Variants in ANKDD1A observed in about 807,000 individuals in gnomAD.
ANKDD1A encodes the protein ankyrin repeat and death domain containing 1A.
In ANKDD1A, 59 loss-of-function variants were observed where a neutral mutation model predicts 63.5. That is an observed-to-expected ratio of 0.93 (90% CI 0.75 to 1.15). The LOEUF (loss-of-function observed/expected upper bound fraction) is 1.15. ANKDD1A is among the 50% of genes most tolerant of loss of function. The pLI is 0.00. For synonymous variants in ANKDD1A, 266 were observed against 263.9 expected, an observed-to-expected ratio of 1.01 and a Z score of -0.08; for missense variants, 632 against 656.4, an observed-to-expected ratio of 0.96 and a Z score of 0.41.
At position 64,930,951 on chromosome 15, in the gene ANKDD1A, A is replaced by G. The variant is rs2085085808; in HGVS notation, c.669+31A>G. On this transcript the variant is annotated intron_variant, in intron 7 of 14. Coordinates refer to ENST00000319580, the MANE Select transcript of ANKDD1A (RefSeq NM_182703.6). ...TCACCGCCTGGGGATGGCGAGATGC[A>G]TGACCCTTGCTTGCTCTCTGCCTTC... 2.5e-6 allele frequency: 4 copies of G among 1,599,868 alleles called. No homozygotes were observed. In the South Asian group the frequency reaches 3.3e-5, roughly 13 times the overall value.
chr15:64,942,351 A>G lies in ANKDD1A; in HGVS notation c.868-116A>G. On this transcript the variant is annotated intron_variant, in intron 9 of 14. Coordinates refer to ENST00000319580, the MANE Select transcript of ANKDD1A (RefSeq NM_182703.6). ...GGCCACCCATGTCATCCAAGAAGCT[A>G]AAAGGGCCAAACCCAGAAGCACTAT... 7.2e-6 allele frequency: 5 copies of G among 693,292 alleles called. 1 individual carries two copies. The South Asian group carries it at 1.3e-4, about 17-fold the overall frequency. 42.9% of individuals were successfully genotyped at this position (693,292 alleles called of 1,614,324 possible). A position where few individuals can be genotyped will look rare whatever the true frequency, so the allele number is the denominator to read the frequency against.
chr15:64,923,890 C>T (rs910896751), intron 4 of ANKDD1A, among the ~76,000 whole-genome samples: 1 of 152,142 alleles, frequency 6.6e-6, no homozygotes, highest in Non-Finnish European at 1.5e-5. Flanking sequence ...ATGAGGGAGG[C>T]GGGGTCTTGG....
chr15:64,930,313 G>A (rs1238457432), intron 6 of ANKDD1A, among the ~76,000 whole-genome samples: 4 of 152,138 alleles, frequency 2.6e-5, no homozygotes, highest in Admixed American at 2.0e-4. Flanking sequence ...CAGTGACAGA[G>A]TGTGTTAGCA....
At chr15:64,927,168 T>C (rs1353363099) in intron 6 of ANKDD1A, among the ~76,000 whole-genome samples, 169 bp downstream of exon 6, 2 of 152,256 alleles carry the variant, frequency 1.3e-5, no homozygotes, top group East Asian at 1.9e-4. Context: ...TTCACCAGCG[T>C]GTGCTATGGG....
At chr15:64,914,915 G>A (rs541392823) in intron 1 of ANKDD1A, among the ~76,000 whole-genome samples, 2 of 152,292 alleles carry the variant, frequency 1.3e-5, no homozygotes, top group East Asian at 1.9e-4. Context: ...TGCAGCGATG[G>A]GGGTGAGAGG....
At chr15:64,952,787 CCTT>C (rs140081464) in intron 14 of ANKDD1A, among the ~76,000 whole-genome samples, 124,498 of 138,690 alleles carry the variant, frequency 0.9, 56,637 homozygotes, top group East Asian at 0.99. Context: ...TCTTCCTTCT[CCTT>C]CTTCTTTTCT....
At chr15:64,943,330 T>G in intron 10 of ANKDD1A, 154 bp from the exon 11 acceptor site, 3 of 674,482 alleles carry the variant, frequency 4.4e-6, no homozygotes, top group Non-Finnish European at 5.3e-6. Context: ...ACATATAAGA[T>G]GATCTCATGT....
intron 1 of ANKDD1A, among the ~76,000 whole-genome samples, chr15:64,914,572 G>A (rs1440240729): frequency 1.3e-5 from 2 of 152,248 alleles, no homozygotes; most frequent in South Asian, 2.1e-4. Flanking sequence ...GGGATTGCAC[G>A]CATGAGCCAC....
chr15:64,947,263 T>G, intron 12 of ANKDD1A, 141 bp from the exon 13 acceptor site: 2 of 762,844 alleles, frequency 2.6e-6, no homozygotes, highest in Non-Finnish European at 4.1e-6. Context: ...AGAGAGGACA[T>G]TAAGCCCCTG....
chr15:64,913,562 T>A (rs964391802), intron 1 of ANKDD1A, among the ~76,000 whole-genome samples: 3 of 152,116 alleles, frequency 2.0e-5, no homozygotes, highest in African/African-American at 7.2e-5. Context: ...TAGGAAGTGG[T>A]TAAGCCAGAG....
chr15:64,913,500 G>T (rs2084947465), intron 1 of ANKDD1A, among the ~76,000 whole-genome samples: 2 of 152,144 alleles, frequency 1.3e-5, no homozygotes, highest in Non-Finnish European at 2.9e-5. Context: ...TATTAACCTT[G>T]TAGGGAAGCT....
chr15:64,921,501 A>C (rs539832027), intron 3 of ANKDD1A, among the ~76,000 whole-genome samples: 1 of 152,166 alleles, frequency 6.6e-6, no homozygotes, highest in South Asian at 2.1e-4. Flanking sequence ...CAACCTCCCA[A>C]GTAGCTGGGA....
chr15:64,930,633 G>A (rs2085082091), intron 6 of ANKDD1A, among the ~76,000 whole-genome samples, 189 bp from the exon 7 acceptor site: 1 of 152,204 alleles, frequency 6.6e-6, no homozygotes, highest in Admixed American at 6.5e-5. Context: ...TAAGCAATGT[G>A]CCTGCCTTGA....
chr15:64,951,887 CTT>C (rs1318568378), intron 14 of ANKDD1A, among the ~76,000 whole-genome samples: 15 of 58,722 alleles, frequency 2.6e-4, no homozygotes, highest in African/African-American at 5.7e-4. Flanking sequence ...TTCTTTCCTT[CTT>C]TCTTTTTCTT....
rs1407743015 is a variant in ANKDD1A at position 64,942,477 on chromosome 15, C to T, written c.878C>T (p.Ser293Phe). 8 of 1,612,216 alleles carry T rather than the reference C, an allele frequency of 5.0e-6. No individual in the cohort carries two copies. Among genetic ancestry groups the T allele is most frequent in the Non-Finnish European group, 6.8e-6 (8 of 1,179,056 alleles). The part of the protein sequence containing the change: ...CANVVDHQGA[S>F]PLHLAVRHNF... The stretch of plus-strand genomic sequence containing the variant: ...TATCTCCTCCCACAGCAGGGTGCCT[C>T]TCCTCTGCACCTCGCTGTGAGGCAC... The change falls in exon 10 of 15, where the codon TCT (serine) becomes TTT (phenylalanine). Residue 293 changes from serine to phenylalanine, a missense_variant. Physicochemically the swap from Ser to Phe is radical, Grantham distance 155. Transcript: ENST00000319580.
rs903933215 is a variant in ANKDD1A, at chr15:64,954,645, T to C, written c.1484-2458T>C. On this transcript the variant is annotated intron_variant, in intron 14 of 14. Transcript: ENST00000319580. ...TTTTCTTCTTCCTTTTCTTCTTCCT[T>C]CTTCTTCTCCTTCTTTCTTCTTGTC... Among the ~76,000 whole-genome samples the C allele has an allele frequency of 8.0e-3, 880 of 109,880 alleles. 6 individuals carry two copies. Among genetic ancestry groups the C allele is most frequent in the African/African-American group, 0.023 (735 of 32,334 alleles). The allele number at this position is 109,880 out of a possible 152,430, so 72.1% of individuals were successfully genotyped here.
intron 14 of ANKDD1A, among the ~76,000 whole-genome samples, chr15:64,953,735 CTT>C: frequency 3.5e-5 from 1 of 28,958 alleles, no homozygotes; most frequent in Non-Finnish European, 8.3e-5. Context: ...TCTTCTCCTC[CTT>C]CTTCTTTCCT....
At chr15:64,930,984 C>A in intron 7 of ANKDD1A, 64 bp downstream of exon 7, 1 of 1,514,114 alleles carries the variant, frequency 6.6e-7, no homozygotes, top group Non-Finnish European at 8.9e-7. Flanking sequence ...TTCGAGGAAC[C>A]CCCACCAGTC....
chr15:64,912,612 G>T (rs2084939979), intron 1 of ANKDD1A, among the ~76,000 whole-genome samples: 1 of 152,246 alleles, frequency 6.6e-6, no homozygotes, highest in Non-Finnish European at 1.5e-5. Flanking sequence ...CAGCTGGCCT[G>T]GGGCAGCTTT....
Sources: allele counts gnomAD v4.1 joint callset (sites outside exome capture counted in the v4.1 genomes callset), GRCh38; gene constraint gnomAD v4.1.1; transcripts MANE v1.5; gene names NCBI Gene and HGNC (gene_info 2026-07-23, HGNC 2026-07-21).